GFRAL: variants seen among roughly 807,000 people sequenced by gnomAD.
GFRAL encodes the protein GDNF family receptor alpha like.
A neutral mutation model predicts 45.4 loss-of-function variants in GFRAL; 36 were observed. The ratio of observed to expected loss-of-function variants is 0.79; its 90% CI spans 0.61 to 1.05. GFRAL has a LOEUF of 1.05. GFRAL is among the 50% of genes least tolerant of loss of function. The pLI is 0.00. For synonymous variants in GFRAL, 166 were observed against 154.1 expected, an observed-to-expected ratio of 1.08 and a Z score of -0.57; for missense variants, 507 against 467.5, an observed-to-expected ratio of 1.08 and a Z score of -0.78.
chr6:55,395,104 G>C (rs1561868449), intron 6 of GFRAL, among the ~76,000 whole-genome samples: 1 of 149,178 alleles, frequency 6.7e-6, no homozygotes. Context: ...CTCCAAAAGA[G>C]TGTTCTCTTT....
chr6:55,389,256 C>T (rs1768717341), intron 6 of GFRAL, among the ~76,000 whole-genome samples: 1 of 152,136 alleles, frequency 6.6e-6, no homozygotes, highest in Non-Finnish European at 1.5e-5. Flanking sequence ...ACCCTCCACT[C>T]TTCAAAAGGT....
chr6:55,331,833 T>C lies in GFRAL; in HGVS notation c.141T>C (p.Asp47=). 6.2e-7 allele frequency: 1 copy of C among 1,609,908 alleles called. No individual in the cohort carries two copies. Among genetic ancestry groups the C allele is most frequent in the South Asian group, 1.1e-5 (1 of 89,762 alleles). The change falls in exon 2 of 9, where the codon GAT becomes GAC. Residue 47 remains aspartate (D), a synonymous_variant. Transcript: ENST00000340465. ...GCKHAWRVME[D]ACNDSDPGDP... ...AACATGCTTGGAGAGTAATGGAAGA[T>C]GCCTGCAATGATTCAGGTAAACAAG...
chr6:55,329,185 G>A (rs2127348983), intron 1 of GFRAL, among the ~76,000 whole-genome samples: 1 of 152,106 alleles, frequency 6.6e-6, no homozygotes, highest in Non-Finnish European at 1.5e-5. Context: ...GATTCTTGTG[G>A]ACCAAATCAT....
intron 3 of GFRAL, among the ~76,000 whole-genome samples, chr6:55,340,877 T>G (rs4628087): frequency 0.39 from 59,030 of 152,048 alleles, 11,879 homozygotes; most frequent in South Asian, 0.63. Context: ...GGAGATTATA[T>G]CCCGTGCCTG....
At chr6:55,351,210 T>C (rs1768111326) in intron 4 of GFRAL, 43 bp from the exon 5 acceptor site, 5 of 1,347,068 alleles carry the variant, frequency 3.7e-6, no homozygotes, top group Non-Finnish European at 5.2e-6. Flanking sequence ...ATGTACAGCT[T>C]TGTGTTTACT....
chr6:55,381,705 T>C (rs1768609835), intron 6 of GFRAL, among the ~76,000 whole-genome samples: 1 of 151,918 alleles, frequency 6.6e-6, no homozygotes, highest in African/African-American at 2.4e-5. Context: ...CTCACTTTTG[T>C]AATTACATGT....
At chr6:55,396,284 T>C (rs1472240678) in intron 6 of GFRAL, among the ~76,000 whole-genome samples, 1 of 152,206 alleles carries the variant, frequency 6.6e-6, no homozygotes, top group African/African-American at 2.4e-5. Context: ...GTTAATGAGT[T>C]CCATGTGAGA....
chr6:55,350,882 G>T (rs1048651190), intron 4 of GFRAL, among the ~76,000 whole-genome samples: 1 of 152,076 alleles, frequency 6.6e-6, no homozygotes, highest in African/African-American at 2.4e-5. Context: ...AACAGAACAA[G>T]AATCATTTTG....
chr6:55,364,666 GT>G (rs1768333008), intron 6 of GFRAL, among the ~76,000 whole-genome samples: 1 of 151,224 alleles, frequency 6.6e-6, no homozygotes, highest in South Asian at 2.1e-4. Flanking sequence ...TGGCTAGCCA[GT>G]TTTCCCAGCA....
chr6:55,333,641 CTT>C, intron 2 of GFRAL, 143 bp from the exon 3 acceptor site: 1 of 453,180 alleles, frequency 2.2e-6, no homozygotes, highest in Non-Finnish European at 3.8e-6. Flanking sequence ...TAAAATGTCA[CTT>C]ATATGGATAT....
chr6:55,352,015 G>A (rs369648052), intron 5 of GFRAL, among the ~76,000 whole-genome samples: 1 of 152,074 alleles, frequency 6.6e-6, no homozygotes, highest in South Asian at 2.1e-4. Context: ...CTGGAGATCA[G>A]GAGGAAGAAG....
At chr6:55,327,836 G>A (rs1222354489) in intron 1 of GFRAL, among the ~76,000 whole-genome samples, 1 of 151,960 alleles carries the variant, frequency 6.6e-6, no homozygotes, top group Non-Finnish European at 1.5e-5. Flanking sequence ...TGTATAGAAT[G>A]ACCCAATGAC....
At chr6:55,354,749 T>C (rs1295886458) in intron 5 of GFRAL, among the ~76,000 whole-genome samples, 1 of 152,040 alleles carries the variant, frequency 6.6e-6, no homozygotes, top group Non-Finnish European at 1.5e-5. Flanking sequence ...CCCTTTATGA[T>C]ACTTATCTTT....
intron 3 of GFRAL, among the ~76,000 whole-genome samples, chr6:55,343,633 C>T (rs1332338128): frequency 6.6e-6 from 1 of 152,056 alleles, no homozygotes; most frequent in Non-Finnish European, 1.5e-5. Context: ...GAAGCAAGAG[C>T]AAACACATTC....
intron 6 of GFRAL, among the ~76,000 whole-genome samples, chr6:55,372,597 T>TA (rs1768465707): frequency 1.3e-5 from 2 of 152,036 alleles, no homozygotes; most frequent in Non-Finnish European, 1.5e-5. Context: ...GATAGGAAAA[T>TA]AAAAAATGTG....
At chr6:55,367,570 C>G (rs1342631221) in intron 6 of GFRAL, among the ~76,000 whole-genome samples, 2 of 151,204 alleles carry the variant, frequency 1.3e-5, no homozygotes, top group East Asian at 3.9e-4. Flanking sequence ...GATTTTGCAG[C>G]AGCTGGTACC....
intron 2 of GFRAL, among the ~76,000 whole-genome samples, chr6:55,332,429 TTTTTA>T (rs377290577): frequency 0.013 from 1,966 of 152,112 alleles, 23 homozygotes; most frequent in Non-Finnish European, 0.022. Context: ...TTTCTTTTTT[TTTTTA>T]TTTTGAGACT....
intron 3 of GFRAL, among the ~76,000 whole-genome samples, chr6:55,341,452 A>C (rs1407201746): frequency 6.6e-6 from 1 of 152,232 alleles, no homozygotes; most frequent in Admixed American, 6.5e-5. Context: ...ACAGACCTGC[A>C]GCTGAGGGTC....
chr6:55,381,458 C>T (rs1255276017), intron 6 of GFRAL, among the ~76,000 whole-genome samples: 1 of 151,812 alleles, frequency 6.6e-6, no homozygotes, highest in African/African-American at 2.4e-5. Context: ...ATTTATTTGG[C>T]TGCATTTCAT....
Sources: allele counts gnomAD v4.1 joint callset (sites outside exome capture counted in the v4.1 genomes callset), GRCh38; gene constraint gnomAD v4.1.1; transcripts MANE v1.5; gene names NCBI Gene and HGNC (gene_info 2026-07-23, HGNC 2026-07-21).